Variants in DDAH1 observed in about 807,000 individuals in gnomAD.
DDAH1 encodes N(G),N(G)-dimethylarginine dimethylaminohydrolase 1.
In DDAH1, 19 loss-of-function variants were observed where a neutral mutation model predicts 28.8. That is an observed-to-expected ratio of 0.66 (90% CI 0.46 to 0.97). The LOEUF (loss-of-function observed/expected upper bound fraction) is 0.97. DDAH1 is among the 50% of genes least tolerant of loss of function. The pLI is 0.00. For synonymous variants in DDAH1, 153 were observed against 154.4 expected (o/e 0.99, Z 0.07); for missense variants, 326 against 375.9 (o/e 0.87, Z 1.10).
intron 1 of DDAH1, among the ~76,000 whole-genome samples, chr1:85,498,799 G>A (rs1051728971): frequency 3.9e-5 from 6 of 152,134 alleles, no homozygotes; most frequent in Admixed American, 1.3e-4. Flanking sequence ...GCGTATGCCT[G>A]TAGTCCCAGT....
At chr1:85,442,657 T>C (rs1007228136) in intron 1 of DDAH1, among the ~76,000 whole-genome samples, 3 of 152,172 alleles carry the variant, frequency 2.0e-5, no homozygotes, top group East Asian at 1.9e-4. Flanking sequence ...AGTGTAAAAG[T>C]GTTCCTATTT....
At chr1:85,575,136 C>T (rs533545893) in intron 1 of DDAH1, among the ~76,000 whole-genome samples, 66 of 152,006 alleles carry the variant, frequency 4.3e-4, no homozygotes, top group Non-Finnish European at 7.5e-4. Context: ...GAGGCTAAGG[C>T]GGGTGGATGG....
chr1:85,396,558 G>A (rs1314970384), intron 1 of DDAH1, among the ~76,000 whole-genome samples: 1 of 152,038 alleles, frequency 6.6e-6, no homozygotes, highest in Non-Finnish European at 1.5e-5. Context: ...CTCCAGCATT[G>A]GGGATCAAAT....
At chr1:85,358,250 T>C (rs1267433842) in intron 2 of DDAH1, among the ~76,000 whole-genome samples, 2 of 152,226 alleles carry the variant, frequency 1.3e-5, no homozygotes, top group Non-Finnish European at 2.9e-5. Context: ...ATATACTAAA[T>C]ACTAAAGTGA....
At chr1:85,349,883 A>C (rs924154448) in intron 4 of DDAH1, among the ~76,000 whole-genome samples, 1 of 152,208 alleles carries the variant, frequency 6.6e-6, no homozygotes, top group African/African-American at 2.4e-5. Flanking sequence ...TTCTTCTGGC[A>C]AGTCTACTAT....
intron 1 of DDAH1, among the ~76,000 whole-genome samples, chr1:85,541,286 GCACACCT>G (rs1658464682): frequency 6.6e-6 from 1 of 152,184 alleles, no homozygotes; most frequent in East Asian, 1.9e-4. Flanking sequence ...CTTAGGCTAA[GCACACCT>G]TGCTTTAAAA....
chr1:85,555,107 A>G (rs544181675), intron 1 of DDAH1, among the ~76,000 whole-genome samples: 11 of 152,248 alleles, frequency 7.2e-5, no homozygotes, highest in Non-Finnish European at 1.3e-4. Flanking sequence ...GGATCTGGGT[A>G]TGATTCATCT....
At chr1:85,336,647 A>T (rs1019843307) in intron 4 of DDAH1, among the ~76,000 whole-genome samples, 1 of 152,142 alleles carries the variant, frequency 6.6e-6, no homozygotes, top group African/African-American at 2.4e-5. Flanking sequence ...CAAGAACCAA[A>T]CACAAAACTA....
chr1:85,349,205 T>A (rs1197232983), intron 4 of DDAH1, among the ~76,000 whole-genome samples: 2 of 152,186 alleles, frequency 1.3e-5, no homozygotes, highest in Admixed American at 1.3e-4. Context: ...GCCACCATGA[T>A]ACAAATCAAA....
chr1:85,473,630 T>TAAC (rs1201752651), intron 2 of DDAH1, among the ~76,000 whole-genome samples: 1 of 152,162 alleles, frequency 6.6e-6, no homozygotes, highest in African/African-American at 2.4e-5. Flanking sequence ...TTTGTGGTAT[T>TAAC]AACGCACAAT....
chr1:85,458,128 C>T (rs1265517144), intron 1 of DDAH1, among the ~76,000 whole-genome samples: 4 of 152,218 alleles, frequency 2.6e-5, no homozygotes, highest in African/African-American at 9.6e-5. Flanking sequence ...ATGATATAGT[C>T]CTTTTAATTT....
chr1:85,423,146 C>T (rs1042368748), intron 1 of DDAH1, among the ~76,000 whole-genome samples: 4 of 152,106 alleles, frequency 2.6e-5, no homozygotes, highest in Non-Finnish European at 5.9e-5. Context: ...TATTTTATCA[C>T]CAATATACAC....
chr1:85,503,570 C>CATCTATCT (rs1557699764), intron 1 of DDAH1, among the ~76,000 whole-genome samples: 2 of 110,372 alleles, frequency 1.8e-5, no homozygotes, highest in African/African-American at 6.7e-5. Context: ...TCTATCTATC[C>CATCTATCT]ATCTATCTAT....
chr1:85,536,377 AC>A (rs1168234799), intron 1 of DDAH1, among the ~76,000 whole-genome samples: 1 of 150,600 alleles, frequency 6.6e-6, no homozygotes, highest in Non-Finnish European at 1.5e-5. Flanking sequence ...ACATGGTGAA[AC>A]CCCGTCTCTA....
chr1:85,570,876 C>CAA (rs34641848), intron 1 of DDAH1, among the ~76,000 whole-genome samples: 13 of 136,730 alleles, frequency 9.5e-5, no homozygotes, highest in Admixed American at 6.5e-4. Context: ...GTGGTGGTAA[C>CAA]AAAAAAAAAA....
In DDAH1 at chr1:85,341,391, T is replaced by A. The variant is rs139465299; in HGVS notation, c.597+9024A>T. On this transcript the variant is annotated intron_variant, in intron 4 of 5. Coordinates refer to ENST00000284031, the MANE Select transcript of DDAH1 (RefSeq NM_012137.4). The stretch of plus-strand genomic sequence containing the variant: ...GTTTTATGTATGAATTAGAAAATCA[T>A]GTTTGTTAGATATCCAACTGAATAG... Among the ~76,000 whole-genome samples the A allele has an allele frequency of 1.0e-2, 1,523 of 152,368 alleles. 17 individuals carry two copies. Among genetic ancestry groups the A allele is most frequent in the South Asian group, 0.016 (78 of 4,830 alleles).
chr1:85,507,864 T>A (rs1657080211), intron 1 of DDAH1, among the ~76,000 whole-genome samples: 2 of 152,194 alleles, frequency 1.3e-5, no homozygotes, highest in African/African-American at 2.4e-5. Flanking sequence ...AAATTCAGAT[T>A]CTTCTGCAGG....
intron 1 of DDAH1, among the ~76,000 whole-genome samples, chr1:85,462,807 C>T (rs1043173752): frequency 2.0e-5 from 3 of 152,202 alleles, no homozygotes; most frequent in Non-Finnish European, 4.4e-5. Flanking sequence ...CAAAGGCAGG[C>T]ACCAGCAGGA....
intron 1 of DDAH1, among the ~76,000 whole-genome samples, chr1:85,423,467 G>A (rs1238755586): frequency 6.6e-6 from 1 of 152,106 alleles, no homozygotes; most frequent in Non-Finnish European, 1.5e-5. Context: ...TATTTTGTCA[G>A]ATTTATATGT....
Sources: gnomAD v4.1 joint callset for allele counts (sites outside exome capture counted in the v4.1 genomes callset) on GRCh38, gnomAD v4.1.1 for gene constraint, MANE v1.5 for transcripts, NCBI Gene and HGNC (gene_info 2026-07-23, HGNC 2026-07-21) for gene names.